The following DLGAP1 variants were observed in gnomAD, a reference collection of about 807,000 sequenced individuals.
DLGAP1 encodes the protein disks large-associated protein 1.
DLGAP1 carries 11 observed loss-of-function variants against 90.8 expected under a neutral mutation model. The observed-to-expected ratio is 0.12, with a 90% CI of 0.08 to 0.20. The LOEUF (loss-of-function observed/expected upper bound fraction) is 0.20. DLGAP1 is among the 10% of genes least tolerant of loss of function. DLGAP1 has a pLI of 1.00. For synonymous variants in DLGAP1, 558 were observed against 540.7 expected (o/e 1.03, Z -0.44); for missense variants, 1,050 against 1,333.8 (o/e 0.79, Z 3.31).
chr18:4,435,034 G>A (rs1454702287), intron 1 of DLGAP1, among the ~76,000 whole-genome samples: 1 of 152,174 alleles, frequency 6.6e-6, no homozygotes, highest in Non-Finnish European at 1.5e-5. Context: ...ACAGGTCATG[G>A]AGGGCTAGAC....
chr18:4,130,968 A>C (rs1209364709), intron 2 of DLGAP1, among the ~76,000 whole-genome samples: 1 of 152,200 alleles, frequency 6.6e-6, no homozygotes, highest in African/African-American at 2.4e-5. Flanking sequence ...TTACCCAAGA[A>C]GGGACTATTT....
chr18:3,870,065 C>G (rs959229518), intron 4 of DLGAP1, among the ~76,000 whole-genome samples: 1 of 152,106 alleles, frequency 6.6e-6, no homozygotes, highest in Admixed American at 6.6e-5. Flanking sequence ...TCTACTGCCC[C>G]CTTCAGTAAA....
chr18:3,603,698 C>A (rs886589475), intron 7 of DLGAP1: 1 of 154,304 alleles, frequency 6.5e-6, no homozygotes, highest in Admixed American at 6.5e-5. Flanking sequence ...AAAGCAGCAA[C>A]AAATGTACTT....
At chr18:3,865,389 A>C (rs532619500) in intron 4 of DLGAP1, among the ~76,000 whole-genome samples, 1 of 152,182 alleles carries the variant, frequency 6.6e-6, no homozygotes, top group Non-Finnish European at 1.5e-5. Context: ...GTTGAGATAT[A>C]CATTTCCACT....
At chr18:4,417,079 C>G (rs2082917186) in intron 1 of DLGAP1, among the ~76,000 whole-genome samples, 1 of 152,128 alleles carries the variant, frequency 6.6e-6, no homozygotes, top group South Asian at 2.1e-4. Context: ...AAGATCAAAA[C>G]TATTTTTGTA....
At chr18:3,979,888 C>A (rs2073687639) in intron 3 of DLGAP1, among the ~76,000 whole-genome samples, 1 of 152,166 alleles carries the variant, frequency 6.6e-6, no homozygotes, top group African/African-American at 2.4e-5. Context: ...GTAATCCCAG[C>A]ACTTTGGGAA....
intron 1 of DLGAP1, among the ~76,000 whole-genome samples, chr18:4,225,582 T>C (rs1381602139): frequency 1.3e-5 from 2 of 151,980 alleles, no homozygotes; most frequent in Non-Finnish European, 2.9e-5. Flanking sequence ...TTCAAGATCC[T>C]ATCAGATAAA....
chr18:3,557,422 T>C (rs890953398), intron 9 of DLGAP1, among the ~76,000 whole-genome samples: 2 of 152,082 alleles, frequency 1.3e-5, no homozygotes, highest in Non-Finnish European at 2.9e-5. Context: ...CTCGGGAGAC[T>C]GAGGCAGGAG....
At chr18:3,628,402 G>A (rs575116512) in intron 7 of DLGAP1, among the ~76,000 whole-genome samples, 2 of 151,632 alleles carry the variant, frequency 1.3e-5, no homozygotes, top group African/African-American at 4.8e-5. Flanking sequence ...GTCCGCCAGG[G>A]GTCTTGTACT....
chr18:3,966,419 C>G (rs2073332547), intron 3 of DLGAP1, among the ~76,000 whole-genome samples: 1 of 152,096 alleles, frequency 6.6e-6, no homozygotes, highest in Non-Finnish European at 1.5e-5. Context: ...AAAATCACTC[C>G]AGCTGCTCAG....
intron 9 of DLGAP1, among the ~76,000 whole-genome samples, chr18:3,550,009 G>A (rs1221501283): frequency 1.3e-5 from 2 of 152,142 alleles, no homozygotes; most frequent in Admixed American, 1.3e-4. Flanking sequence ...CACCTTTCGG[G>A]TTCAAGCGAT....
At chr18:3,841,348 G>C (rs559890228) in intron 4 of DLGAP1, among the ~76,000 whole-genome samples, 1 of 152,248 alleles carries the variant, frequency 6.6e-6, no homozygotes, top group East Asian at 1.9e-4. Context: ...AAGAAAGCTT[G>C]AGAATAAAGA....
intron 1 of DLGAP1, among the ~76,000 whole-genome samples, chr18:4,343,164 G>A (rs1175616935): frequency 6.6e-5 from 10 of 151,862 alleles, no homozygotes; most frequent in South Asian, 2.1e-4. Flanking sequence ...AAAATTAGCC[G>A]GGCGTGGTGG....
intron 3 of DLGAP1, among the ~76,000 whole-genome samples, chr18:3,966,071 TAATAA>T (rs2073324375): frequency 6.6e-5 from 10 of 151,234 alleles, no homozygotes; most frequent in Admixed American, 5.9e-4. Flanking sequence ...TAATTTTAAA[TAATAA>T]GTGCCCTGAA....
At chr18:3,593,959 T>C (rs1377228307) in intron 7 of DLGAP1, 1 of 149,598 alleles carries the variant, frequency 6.7e-6, no homozygotes, top group African/African-American at 2.5e-5. Flanking sequence ...GCACAGTGCA[T>C]GTACTGTACA....
chr18:3,586,720 A>T (rs549388748), intron 7 of DLGAP1, among the ~76,000 whole-genome samples: 10 of 152,164 alleles, frequency 6.6e-5, no homozygotes, highest in Non-Finnish European at 1.3e-4. Context: ...CTGCACTCCA[A>T]AACTCATACA....
In DLGAP1 at chr18:3,742,433, G is replaced by A. The variant is rs2063095830; in HGVS notation, c.1252C>T (p.Arg418Trp). The change falls in exon 6 of 13, where the codon CGG becomes TGG. Residue 418 changes from arginine (R) to tryptophan (W), a missense_variant. By Grantham distance (101) the Arg-to-Trp change is moderately radical (BLOSUM62 -3). Coordinates refer to ENST00000315677, the MANE Select transcript of DLGAP1 (RefSeq NM_004746.4). ...GCAGGGTCCAGGCTGTCCAGGCTCC[G>A]GTTGATGGAGACTTCACTCACTGCC... ...LRAVSEVSIN[R>W]SLDSLDPAGL... is the part of the protein sequence containing the mutation. 1.2e-6 allele frequency: 2 copies of A among 1,614,142 alleles called. No individual in the cohort carries two copies. Among genetic ancestry groups the A allele is most frequent in the Non-Finnish European group, 1.7e-6 (2 of 1,180,020 alleles).
At chr18:4,285,446 G>A (rs2079664156) in intron 1 of DLGAP1, among the ~76,000 whole-genome samples, 1 of 152,192 alleles carries the variant, frequency 6.6e-6, no homozygotes, top group Non-Finnish European at 1.5e-5. Flanking sequence ...AAATTTACCT[G>A]AGGAGAATGT....
chr18:4,266,082 A>G (rs2079126015), intron 1 of DLGAP1, among the ~76,000 whole-genome samples: 1 of 152,104 alleles, frequency 6.6e-6, no homozygotes, highest in Non-Finnish European at 1.5e-5. Flanking sequence ...GATATAATGG[A>G]ATTTGAAATT....
Sources: allele counts gnomAD v4.1 joint callset (sites outside exome capture counted in the v4.1 genomes callset), GRCh38; gene constraint gnomAD v4.1.1; transcripts MANE v1.5; gene names NCBI Gene and HGNC (gene_info 2026-07-23, HGNC 2026-07-21).